MEI1: variants seen among roughly 807,000 people sequenced by gnomAD.
MEI1 encodes meiotic double-stranded break formation protein 1.
MEI1 carries 103 observed loss-of-function variants against 146.2 expected under a neutral mutation model. The observed-to-expected ratio is 0.70, with a 90% CI of 0.60 to 0.83. The LOEUF (loss-of-function observed/expected upper bound fraction) is 0.83, where lower values mean the gene tolerates loss of function less well. MEI1 is among the 40% of genes least tolerant of loss of function. The pLI is 0.00. For missense variants in MEI1, 1,529 were observed against 1,533.0 expected (o/e 1.00, Z 0.04); for synonymous variants, 652 against 628.2 (o/e 1.04, Z -0.57).
Position 41,721,237 on chromosome 22 carries a change from C to CTTTTTTTTT in MEI1, c.734-2689_734-2681dup, listed in dbSNP as rs984702207. Among the ~76,000 whole-genome samples the CTTTTTTTTT allele has an allele frequency of 1.2e-3, 83 of 70,486 alleles. 6 individuals carry two copies. Among genetic ancestry groups the CTTTTTTTTT allele is most frequent in the African/African-American group, 5.3e-3 (78 of 14,596 alleles). 46.2% of individuals were successfully genotyped at this position (70,486 alleles called of 152,430 possible). A position where few individuals can be genotyped will look rare whatever the true frequency, so the allele number is the denominator to read the frequency against. On this transcript the variant is annotated intron_variant, in intron 6 of 30. Transcript: ENST00000401548. ...ACAGGTGTTAGCCACCACGCCCGTT[C>CTTTTTTTTT]TTTTTTTTTTTTTTTTTTTTTTTTT...
rs535062215 is a variant in MEI1 at position 41,711,011 on chromosome 22, A to G, written c.350-2991A>G. On this transcript the variant is annotated intron_variant, in intron 3 of 30. Coordinates refer to ENST00000401548, the MANE Select transcript of MEI1 (RefSeq NM_152513.4). ...TGATGGTGAGGGAAACAGGTGGATT[A>G]GCATTCACAAAATGTGCCATTTTGA... Among the ~76,000 whole-genome samples, 3 of 152,290 alleles carry G rather than the reference A, an allele frequency of 2.0e-5. No individual in the cohort carries two copies. In the East Asian group the frequency reaches 5.8e-4, roughly 29 times the overall value.
intron 13 of MEI1, among the ~76,000 whole-genome samples, chr22:41,745,428 A>G (rs2073213018): frequency 2.0e-5 from 3 of 152,176 alleles, no homozygotes; most frequent in African/African-American, 7.2e-5. Flanking sequence ...ACTGTGTGCC[A>G]TGCCTGATGC....
chr22:41,747,719 C>A lies in MEI1; in HGVS notation c.1681-388C>A, dbSNP rs985415636. 1.5e-4 allele frequency among the ~76,000 whole-genome samples: 19 copies of A among 129,324 alleles called. No individual in the cohort carries two copies. The East Asian group carries it at 2.1e-3, about 14-fold the overall frequency. 84.8% of individuals were successfully genotyped at this position (129,324 alleles called of 152,430 possible). ...ACTCCGTCTCAAAGAATAAAAAAAA[C>A]CCCACCCCCACCCCCCCAAAAAAAA... On this transcript the variant is annotated intron_variant, in intron 14 of 30. Coordinates refer to ENST00000401548, the MANE Select transcript of MEI1 (RefSeq NM_152513.4).
Position 41,784,669 on chromosome 22 carries a change from C to T in MEI1, c.3231C>T (p.Ala1077=). Residue 1077 remains alanine (A), a synonymous_variant, in exon 26 of 31, where the codon GCC becomes GCT. Transcript: ENST00000401548. ...LRQSFSSALV[A]LVPSGAQPLP... is the part of the protein sequence containing the mutation. The stretch of plus-strand genomic sequence containing the variant: ...AAAGCTTTTCCTCTGCCCTGGTAGC[C>T]CTGGTGCCCTCAGGGGCCCAGCCAC... 1 of 1,613,788 alleles carries T rather than the reference C, an allele frequency of 6.2e-7. No individual in the cohort carries two copies. The highest frequency in any genetic ancestry group is 8.5e-7 in the Non-Finnish European group (1 of 1,179,888).
Position 41,744,972 on chromosome 22 carries a change from G to A in MEI1, c.1447-1G>A. ...GTTCCTGTCTCTCCTTCCCACCTCA[G>A]GGCCATGCCTCCAGTAGAGATTCAG... On this transcript the variant is annotated splice_acceptor_variant, in intron 12 of 30. Coordinates refer to ENST00000401548, the MANE Select transcript of MEI1 (RefSeq NM_152513.4). LOFTEE classifies it high-confidence loss of function. 1.3e-6 allele frequency: 2 copies of A among 1,543,972 alleles called. No individual in the cohort carries two copies. The highest frequency in any genetic ancestry group is 8.7e-7 in the Non-Finnish European group (1 of 1,142,890).
rs2073016276 is a variant in MEI1, at chr22:41,743,108, C to T, written c.1360C>T (p.Gln454Ter). 2 of 1,612,928 alleles carry T rather than the reference C, an allele frequency of 1.2e-6. No homozygotes were observed. The highest frequency in any genetic ancestry group is 1.7e-6 in the Non-Finnish European group (2 of 1,179,624). The change falls in exon 12 of 31, where the codon CAG becomes TAG. Residue 454 changes from glutamine (Q) to a stop codon, truncating the protein, a stop_gained. Coordinates refer to ENST00000401548, the MANE Select transcript of MEI1 (RefSeq NM_152513.4). LOFTEE classifies it high-confidence loss of function. The stretch of plus-strand genomic sequence containing the variant: ...GGACCATCAGAGCACTCCACCTGTG[C>T]AGTATGGGGAACTGCAGGCTTTGCT... Reference protein sequence around the residue: ...RKDHQSTPPVQYGELQALLEA... With the variant: ...RKDHQSTPPV
intron 4 of MEI1, among the ~76,000 whole-genome samples, chr22:41,715,674 G>A (rs1285768965): frequency 2.6e-5 from 4 of 151,986 alleles, no homozygotes; most frequent in Non-Finnish European, 5.9e-5. Context: ...GGATTACAGC[G>A]TGAGCCACCA....
At chr22:41,798,539 C>T (rs1035248106) in intron 30 of MEI1, among the ~76,000 whole-genome samples, 2 of 150,914 alleles carry the variant, frequency 1.3e-5, no homozygotes, top group African/African-American at 2.4e-5. Flanking sequence ...GATCGCGCCA[C>T]TGTACTCCAG....
chr22:41,711,274 G>A (rs1032467087), intron 3 of MEI1, among the ~76,000 whole-genome samples: 5 of 152,052 alleles, frequency 3.3e-5, no homozygotes, highest in Non-Finnish European at 5.9e-5. Context: ...CTGGGTTCAC[G>A]CCATTCTCCT....
rs756487471 is a variant in MEI1, at chr22:41,784,409, C to T, written c.3158C>T (p.Ala1053Val). ...CTCAGCTTTCCAAAGAAAAAGGCTG[C>T]ACTACTCTCAGGTATGGGTCCACAA... Reference protein sequence around the residue: ...KALSFPKKKAALLSAAILCFL... With the variant: ...KALSFPKKKAVLLSAAILCFL... Residue 1053 changes from alanine (A) to valine (V), a missense_variant, in exon 25 of 31, where the codon GCA becomes GTA. Transcript: ENST00000401548. 3 of 1,613,952 alleles carry T rather than the reference C, an allele frequency of 1.9e-6. No homozygotes were observed. In the South Asian group the frequency reaches 3.3e-5, roughly 18 times the overall value.
intron 13 of MEI1, 32 bp downstream of exon 13, chr22:41,745,096 C>T (rs1172205328): frequency 1.4e-6 from 2 of 1,428,866 alleles, no homozygotes; most frequent in Non-Finnish European, 1.9e-6. Flanking sequence ...GAAGTAATAG[C>T]ATGGAAGGTA....
chr22:41,734,821 G>C (rs568408961), intron 11 of MEI1, among the ~76,000 whole-genome samples: 1 of 151,870 alleles, frequency 6.6e-6, no homozygotes, highest in East Asian at 2.0e-4. Context: ...ATTTTTAGTA[G>C]AGATGGGGTT....
intron 4 of MEI1, among the ~76,000 whole-genome samples, chr22:41,715,117 A>T (rs1329948980): frequency 1.3e-5 from 2 of 152,134 alleles, no homozygotes; most frequent in African/African-American, 4.8e-5. Flanking sequence ...TTATGATGAG[A>T]TGATGCCACT....
At chr22:41,777,707 G>T (rs2075527533) in intron 21 of MEI1, among the ~76,000 whole-genome samples, 1 of 152,084 alleles carries the variant, frequency 6.6e-6, no homozygotes, top group Non-Finnish European at 1.5e-5. Flanking sequence ...TAAACAACAG[G>T]AATTTATTTC....
intron 11 of MEI1, among the ~76,000 whole-genome samples, chr22:41,739,014 G>A (rs1464884763): frequency 1.3e-5 from 2 of 151,904 alleles, no homozygotes; most frequent in Non-Finnish European, 2.9e-5. Context: ...AAAGGAATAG[G>A]CTGGGCATGG....
intron 15 of MEI1, among the ~76,000 whole-genome samples, chr22:41,752,005 G>A (rs1459782636): frequency 6.6e-6 from 1 of 151,998 alleles, no homozygotes; most frequent in African/African-American, 2.4e-5. Flanking sequence ...GGGAGGTGGA[G>A]GTTGCAGTGA....
At chr22:41,798,438 C>T (rs1255421971) in intron 30 of MEI1, among the ~76,000 whole-genome samples, 3 of 151,768 alleles carry the variant, frequency 2.0e-5, no homozygotes, top group Admixed American at 1.3e-4. Flanking sequence ...ATTAGCTGGG[C>T]GTGGTAGCAT....
At chr22:41,731,906 A>G (rs907724475) in intron 9 of MEI1, among the ~76,000 whole-genome samples, 3 of 152,106 alleles carry the variant, frequency 2.0e-5, no homozygotes, top group African/African-American at 7.2e-5. Context: ...GGATCAGGGA[A>G]GGCTTTTTGG....
chr22:41,779,077 C>A (rs2075619760), intron 22 of MEI1, among the ~76,000 whole-genome samples: 1 of 152,102 alleles, frequency 6.6e-6, no homozygotes, highest in South Asian at 2.1e-4. Flanking sequence ...GTAATCCCAG[C>A]ACTTTGGGTG....
Sources: allele counts gnomAD v4.1 joint callset (sites outside exome capture counted in the v4.1 genomes callset), GRCh38; gene constraint gnomAD v4.1.1; transcripts MANE v1.5; gene names NCBI Gene and HGNC (gene_info 2026-07-23, HGNC 2026-07-21).